The following CPN1 variants were observed in gnomAD, a reference collection of about 807,000 sequenced individuals.
CPN1 encodes the protein carboxypeptidase N subunit 1.
A neutral mutation model predicts 46.4 loss-of-function variants in CPN1; 37 were observed. The ratio of observed to expected loss-of-function variants is 0.80; its 90% CI spans 0.61 to 1.05. The LOEUF (loss-of-function observed/expected upper bound fraction) is 1.05. Among genes scored for constraint, CPN1 ranks in the 50% least tolerant of loss-of-function variants. CPN1 has a pLI of 0.00. For synonymous variants in CPN1, 224 were observed against 235.4 expected (o/e 0.95, Z 0.44); for missense variants, 563 against 602.6 (o/e 0.93, Z 0.69).
intron 1 of CPN1, among the ~76,000 whole-genome samples, chr10:100,080,085 CA>C (rs34214082): frequency 1.3e-3 from 158 of 124,636 alleles, no homozygotes; most frequent in South Asian, 1.6e-3. Flanking sequence ...GACTCCATCT[CA>C]AAAAAAAAAA....
chr10:100,071,595 G>A lies in CPN1; in HGVS notation c.421-1726C>T, dbSNP rs2041485684. Among the ~76,000 whole-genome samples the A allele has an allele frequency of 2.0e-5, 3 of 152,160 alleles. No individual in the cohort carries two copies. The South Asian group carries it at 6.2e-4, about 32-fold the overall frequency. ...ATTGTATCCGTAAAGACCCTCAGTA[G>A]GCCCTCCATATCCATGGGTTCCACA... is the stretch of plus-strand genomic sequence containing the variant. On this transcript the variant is annotated intron_variant, in intron 2 of 8. Coordinates refer to ENST00000370418, the MANE Select transcript of CPN1 (RefSeq NM_001308.3).
intron 8 of CPN1, among the ~76,000 whole-genome samples, chr10:100,047,398 T>C (rs2041321075): frequency 6.6e-6 from 1 of 152,196 alleles, no homozygotes; most frequent in African/African-American, 2.4e-5. Context: ...CTTGTTTGAC[T>C]ATAGGTCATG....
intron 6 of CPN1, among the ~76,000 whole-genome samples, chr10:100,056,319 T>C (rs2041384093): frequency 6.6e-6 from 1 of 152,222 alleles, no homozygotes; most frequent in East Asian, 1.9e-4. Flanking sequence ...GGAACCCTTT[T>C]GTCCCCTAGA....
chr10:100,048,736 C>T (rs368369722), intron 8 of CPN1, 22 bp downstream of exon 8: 46 of 1,517,592 alleles, frequency 3.0e-5, no homozygotes, highest in African/African-American at 2.6e-4. Context: ...TACAGTGCAC[C>T]GTCAAGCTCA....
chr10:100,055,004 G>A (rs955530696), intron 6 of CPN1, among the ~76,000 whole-genome samples: 13 of 151,982 alleles, frequency 8.6e-5, no homozygotes, highest in Admixed American at 2.6e-4. Flanking sequence ...TTGGGAGGCC[G>A]AGGTGGGCGG....
chr10:100,055,892 T>C (rs762923062), intron 6 of CPN1, among the ~76,000 whole-genome samples: 29 of 152,268 alleles, frequency 1.9e-4, no homozygotes, highest in Non-Finnish European at 4.3e-4. Context: ...GTTTATACAG[T>C]CATCCACCAA....
chr10:100,065,428 C>T (rs1325642942), intron 3 of CPN1, 58 bp from the exon 4 acceptor site: 3 of 1,595,552 alleles, frequency 1.9e-6, no homozygotes, highest in Non-Finnish European at 2.6e-6. Context: ...AAACAAACGG[C>T]GGTTAGAGTA....
rs57632037 is a variant in CPN1 at position 100,077,227 on chromosome 10, C to CTTT, written c.224-1123_224-1121dup. 1.4e-3 allele frequency among the ~76,000 whole-genome samples: 162 copies of CTTT among 113,738 alleles called. 3 individuals are homozygous for CTTT. The highest frequency in any genetic ancestry group is 4.8e-3 in the African/African-American group (129 of 26,774). The allele number at this position is 113,738 out of a possible 152,430, so 74.6% of individuals were successfully genotyped here. ...TCTCTGTTGACTTCCCCGGTTTTAC[C>CTTT]TTTTTTTTTTTTTTTTTTTTTGAGA... On this transcript the variant is annotated intron_variant, in intron 1 of 8. Coordinates refer to ENST00000370418, the MANE Select transcript of CPN1 (RefSeq NM_001308.3).
intron 5 of CPN1, among the ~76,000 whole-genome samples, chr10:100,057,994 A>T (rs1418381125): frequency 6.6e-6 from 1 of 151,054 alleles, no homozygotes; most frequent in East Asian, 1.9e-4. Context: ...AACATCCAGC[A>T]CCCCCTTCAT....
intron 8 of CPN1, among the ~76,000 whole-genome samples, chr10:100,044,172 G>A (rs1227703433): frequency 6.6e-6 from 1 of 152,094 alleles, no homozygotes; most frequent in Admixed American, 6.5e-5. Context: ...GTTCCTCCAG[G>A]AGGGAAGGGG....
intron 2 of CPN1, among the ~76,000 whole-genome samples, chr10:100,073,011 G>A (rs1007949974): frequency 3.9e-5 from 6 of 152,200 alleles, no homozygotes; most frequent in African/African-American, 1.4e-4. Flanking sequence ...CAATCTCACA[G>A]ATGAATCGCC....
At chr10:100,057,729 A>G (rs2041393215) in intron 5 of CPN1, among the ~76,000 whole-genome samples, 1 of 152,132 alleles carries the variant, frequency 6.6e-6, no homozygotes, top group Non-Finnish European at 1.5e-5. Flanking sequence ...AGGTGGGCAG[A>G]TGGCAGTGTG....
intron 5 of CPN1, among the ~76,000 whole-genome samples, chr10:100,059,719 C>A (rs2041406411): frequency 6.6e-6 from 1 of 151,946 alleles, no homozygotes; most frequent in Admixed American, 6.6e-5. Context: ...TACCTTATGT[C>A]CAACAGTTCC....
At chr10:100,071,724 C>G (rs2041486782) in intron 2 of CPN1, among the ~76,000 whole-genome samples, 1 of 152,200 alleles carries the variant, frequency 6.6e-6, no homozygotes, top group Admixed American at 6.5e-5. Context: ...ATTCCTTAAA[C>G]AGTACATTAT....
At chr10:100,068,074 C>T (rs553644708) in intron 3 of CPN1, among the ~76,000 whole-genome samples, 1 of 150,766 alleles carries the variant, frequency 6.6e-6, no homozygotes, top group African/African-American at 2.4e-5. Context: ...ATCGCTTGAA[C>T]CCAGGAGGAA....
intron 1 of CPN1, among the ~76,000 whole-genome samples, chr10:100,078,708 G>A (rs1293406135): frequency 2.0e-5 from 3 of 152,344 alleles, no homozygotes; most frequent in African/African-American, 7.2e-5. Flanking sequence ...CCCTTGGGCT[G>A]TAGTTTGCTG....
At chr10:100,043,871 C>T (rs1003843321) in intron 8 of CPN1, among the ~76,000 whole-genome samples, 1 of 152,024 alleles carries the variant, frequency 6.6e-6, no homozygotes, top group African/African-American at 2.4e-5. Context: ...TACATTGCAA[C>T]CTCTCTTCTG....
chr10:100,077,181 T>C (rs2041520144), intron 1 of CPN1, among the ~76,000 whole-genome samples: 1 of 151,846 alleles, frequency 6.6e-6, no homozygotes, highest in Non-Finnish European at 1.5e-5. Context: ...TCATCTTGGG[T>C]TCTCCTTGAT....
intron 7 of CPN1, among the ~76,000 whole-genome samples, chr10:100,050,302 C>T (rs927333104): frequency 1.3e-5 from 2 of 152,064 alleles, no homozygotes; most frequent in Admixed American, 6.6e-5. Flanking sequence ...TGCAGTGAGC[C>T]GAGATCGCGC....
Sources: gnomAD v4.1 joint callset for allele counts (sites outside exome capture counted in the v4.1 genomes callset) on GRCh38, gnomAD v4.1.1 for gene constraint, MANE v1.5 for transcripts, NCBI Gene and HGNC (gene_info 2026-07-23, HGNC 2026-07-21) for gene names.